The following CEP135 variants were observed in gnomAD, a reference collection of about 807,000 sequenced individuals.
The protein encoded by CEP135 is centrosomal protein 135, also known as centrosomal protein of 135 kDa.
Under a neutral mutation model 157.3 loss-of-function variants are expected in CEP135, and 142 were observed. That is an observed-to-expected ratio of 0.90 (90% confidence interval 0.79 to 1.04). The LOEUF (loss-of-function observed/expected upper bound fraction) is 1.04, where lower values mean the gene tolerates loss of function less well. Among genes scored for constraint, CEP135 ranks in the 50% least tolerant of loss-of-function variants. The pLI, the probability that CEP135 is intolerant of heterozygous loss-of-function variation, is 0.00. For synonymous variants in CEP135, 396 were observed against 439.8 expected (o/e 0.90, Z 1.25); for missense variants, 1,317 against 1,309.2 (o/e 1.01, Z -0.09).
intron 21 of CEP135, among the ~76,000 whole-genome samples, chr4:56,013,000 A>G (rs915839456): frequency 2.6e-5 from 4 of 152,222 alleles, no homozygotes; most frequent in East Asian, 1.9e-4. Flanking sequence ...ACACCATTTT[A>G]CATTTCTACC....
chr4:55,981,256 G>A lies in CEP135; in HGVS notation c.1656G>A (p.Lys552=), dbSNP rs1298404459. 1 of 1,589,830 alleles carries A rather than the reference G, an allele frequency of 6.3e-7. No homozygotes were observed. Among genetic ancestry groups the A allele is most frequent in the South Asian group, 1.2e-5 (1 of 84,358 alleles). The change falls in exon 13 of 26, where the codon AAG becomes AAA. Residue 552 remains lysine (K), a synonymous_variant. Transcript: ENST00000257287. ...AGGAAGAATTATCTGCCCTAAGAAAGGAATCCACCCAAACCACAGCACCCC... is the reference window on the plus strand; with the variant it reads ...AGGAAGAATTATCTGCCCTAAGAAAAGAATCCACCCAAACCACAGCACCCC... ...EAQEELSALR[K]ESTQTTAPHN...
intron 14 of CEP135, among the ~76,000 whole-genome samples, chr4:55,990,193 T>C (rs929535845): frequency 2.6e-5 from 4 of 152,238 alleles, no homozygotes; most frequent in African/African-American, 7.2e-5. Context: ...CTCTGACTTA[T>C]GCCTTTAAAT....
intron 17 of CEP135, among the ~76,000 whole-genome samples, chr4:56,001,265 A>G (rs1029747104): frequency 1.3e-5 from 2 of 152,114 alleles, no homozygotes; most frequent in African/African-American, 4.8e-5. Context: ...GCTTAATGTA[A>G]TCCCATTTGT....
chr4:55,994,843 G>A (rs944136704), intron 15 of CEP135, among the ~76,000 whole-genome samples: 6 of 151,838 alleles, frequency 4.0e-5, no homozygotes, highest in African/African-American at 1.5e-4. Context: ...CTGCCACCAT[G>A]CCCGGATAAC....
intron 15 of CEP135, among the ~76,000 whole-genome samples, chr4:55,993,618 C>G (rs1373131574): frequency 6.6e-6 from 1 of 152,178 alleles, no homozygotes; most frequent in Non-Finnish European, 1.5e-5. Flanking sequence ...GATAACATGA[C>G]ATATTCTTGT....
intron 13 of CEP135, 92 bp downstream of exon 13, chr4:55,981,471 T>G: frequency 1.8e-6 from 2 of 1,104,232 alleles, no homozygotes; most frequent in Non-Finnish European, 2.5e-6. Flanking sequence ...ATTGGCCAAA[T>G]CCAGACCACT....
At chr4:56,014,529 CT>C (rs1352490930) in intron 21 of CEP135, among the ~76,000 whole-genome samples, 1 of 152,148 alleles carries the variant, frequency 6.6e-6, no homozygotes, top group Non-Finnish European at 1.5e-5. Flanking sequence ...AAAGATGTTA[CT>C]TGTTATAAAG....
At position 56,009,361 on chromosome 4, in the gene CEP135, AC is replaced by A. The variant is rs1560420416; in HGVS notation, c.2337-372del. ...GTATTTTTAGTAGAGACGGGGTTTC[AC>A]CGTGTTAGCCAGGATGGTCTCTATC... On this transcript the variant is annotated intron_variant, in intron 18 of 25. Coordinates refer to ENST00000257287, the MANE Select transcript of CEP135 (RefSeq NM_025009.5). Among the ~76,000 whole-genome samples, 8 of 151,682 alleles carry A rather than the reference AC, an allele frequency of 5.3e-5. No homozygotes were observed. In the South Asian group the frequency reaches 1.5e-3, roughly 28 times the overall value.
chr4:56,007,820 G>A (rs1449159357), intron 17 of CEP135, among the ~76,000 whole-genome samples: 1 of 152,132 alleles, frequency 6.6e-6, no homozygotes, highest in Non-Finnish European at 1.5e-5. Context: ...ACGTCTCTGT[G>A]GCCCAGGAAC....
At position 55,965,913 on chromosome 4, in the gene CEP135, C is replaced by G. The variant is rs568972565; in HGVS notation, c.1044+54C>G. ...AGTGTTCATTAATTCTCCTAGCACA[C>G]GGTAAGCTTGATCCCTTTTGATATC... On this transcript the variant is annotated intron_variant, in intron 8 of 25. Transcript: ENST00000257287. 3 of 1,419,690 alleles carry G rather than the reference C, an allele frequency of 2.1e-6. No homozygotes were observed. In the East Asian group the frequency reaches 7.1e-5, roughly 34 times the overall value. The allele number at this position is 1,419,690 out of a possible 1,614,324, so 87.9% of individuals were successfully genotyped here.
In CEP135 at chr4:56,009,767, G is replaced by T. The variant is rs149552948; in HGVS notation, c.2369G>T (p.Arg790Leu). 6.2e-7 allele frequency: 1 copy of T among 1,611,860 alleles called. No individual in the cohort carries two copies. The highest frequency in any genetic ancestry group is 2.2e-5 in the East Asian group (1 of 44,864). ...QLKETLVNRD[R>L]EINSLRRQLD... ...AAAGAAACATTGGTTAATCGAGATC[G>T]TGAGATAAACAGCCTCCGGCGCCAG... The change falls in exon 19 of 26, where the codon CGT becomes CTT. Residue 790 changes from arginine (R) to leucine (L), a missense_variant. Coordinates refer to ENST00000257287, the MANE Select transcript of CEP135 (RefSeq NM_025009.5).
chr4:56,010,124 T>C (rs1577906110), intron 19 of CEP135, among the ~76,000 whole-genome samples: 1 of 151,578 alleles, frequency 6.6e-6, no homozygotes, highest in Non-Finnish European at 1.5e-5. Flanking sequence ...CTGAGGTGGG[T>C]GGATCACTTG....
At position 55,953,159 on chromosome 4, in the gene CEP135, A is replaced by G; in HGVS notation, c.188A>G (p.Asn63Ser). 1 of 1,608,546 alleles carries G rather than the reference A, an allele frequency of 6.2e-7. No homozygotes were observed. Among genetic ancestry groups the G allele is most frequent in the Non-Finnish European group, 8.5e-7 (1 of 1,178,324 alleles). Residue 63 changes from asparagine to serine, a missense_variant, in exon 3 of 26, where the codon AAT becomes AGT. Physicochemically the swap from Asn to Ser is conservative, Grantham distance 46. Coordinates refer to ENST00000257287, the MANE Select transcript of CEP135 (RefSeq NM_025009.5). ...GTGAAAGCTGAAAAAGAAAGTGCCA[A>G]TTTTGATTTTGTTTTGGAACCCTAT... Reference protein sequence around the residue: ...SAVKAEKESANFDFVLEPYKL... With the variant: ...SAVKAEKESASFDFVLEPYKL...
chr4:55,954,181 C>G, intron 3 of CEP135, 35 bp from the exon 4 acceptor site: 1 of 1,524,058 alleles, frequency 6.6e-7, no homozygotes, highest in Non-Finnish European at 8.8e-7. Flanking sequence ...ATTTCTTGAT[C>G]TTTAAAACGG....
intron 25 of CEP135, among the ~76,000 whole-genome samples, chr4:56,029,157 C>T (rs894667607): frequency 1.3e-5 from 2 of 152,204 alleles, no homozygotes; most frequent in Non-Finnish European, 2.9e-5. Context: ...CAGCTCAAAG[C>T]TTCTGTGCCC....
At chr4:55,951,469 T>G (rs962147925) in intron 1 of CEP135, among the ~76,000 whole-genome samples, 3 of 152,238 alleles carry the variant, frequency 2.0e-5, no homozygotes, top group African/African-American at 7.2e-5. Flanking sequence ...TTAATTTGTA[T>G]TTCCATGTTG....
chr4:55,992,735 CA>C (rs894130368), intron 15 of CEP135, among the ~76,000 whole-genome samples: 8 of 152,040 alleles, frequency 5.3e-5, no homozygotes, highest in Non-Finnish European at 7.4e-5. Context: ...TATATAAAAT[CA>C]AAAGGTTTAG....
rs909038529 is a variant in CEP135 at position 56,032,881 on chromosome 4, GGTGGGCA to G, written c.*1537_*1543del. 12 of 135,420 alleles carry G rather than the reference GGTGGGCA, an allele frequency of 8.9e-5. No individual in the cohort carries two copies. Among genetic ancestry groups the G allele is most frequent in the Non-Finnish European group, 1.9e-4 (12 of 63,730 alleles). 8.4% of individuals were successfully genotyped at this position (135,420 alleles called of 1,614,324 possible). On this transcript the variant is annotated 3_prime_UTR_variant, in exon 26 of 26. Transcript: ENST00000257287. ...GTGTGTGTGTGTGTGTATACCTGGG[GGTGGGCA>G]GTGCTCTTTTTCTAAAACTAATATG...
intron 17 of CEP135, among the ~76,000 whole-genome samples, chr4:56,004,358 G>A (rs935924097): frequency 2.6e-5 from 4 of 152,150 alleles, no homozygotes; most frequent in Admixed American, 6.5e-5. Context: ...CGTTCCATGT[G>A]CTGATAAAAG....
Sources: allele counts gnomAD v4.1 joint callset (sites outside exome capture counted in the v4.1 genomes callset), GRCh38; gene constraint gnomAD v4.1.1; transcripts MANE v1.5; gene names NCBI Gene and HGNC (gene_info 2026-07-23, HGNC 2026-07-21).